The following SEMA4C variants were observed in gnomAD, a reference collection of about 807,000 sequenced individuals.
SEMA4C encodes semaphorin-4C.
SEMA4C carries 19 observed loss-of-function variants against 89.0 expected under a neutral mutation model. The ratio of observed to expected loss-of-function variants is 0.21; its 90% CI spans 0.15 to 0.31. The LOEUF (loss-of-function observed/expected upper bound fraction) is 0.31. Among genes scored for constraint, SEMA4C ranks in the 10% least tolerant of loss-of-function variants. SEMA4C has a pLI of 1.00. For missense variants in SEMA4C, 811 were observed against 1,107.0 expected (o/e 0.73, Z 3.79); for synonymous variants, 428 against 472.7 (o/e 0.91, Z 1.23).
chr2:96,861,903 A>G lies in SEMA4C; in HGVS notation c.1444-9T>C, dbSNP rs759841848. 2 of 1,603,026 alleles carry G rather than the reference A, an allele frequency of 1.2e-6. No individual in the cohort carries two copies. The highest frequency in any genetic ancestry group is 1.7e-6 in the Non-Finnish European group (2 of 1,175,420). On this transcript the variant is annotated splice_polypyrimidine_tract_variant and intron_variant, in intron 12 of 14. Coordinates refer to ENST00000305476, the MANE Select transcript of SEMA4C (RefSeq NM_017789.5). The surrounding 1 kb of genome is among the most constrained non-coding windows in gnomAD (Gnocchi z 7.8). ...CCGGCAAAGAGCAGCTTCTGCGAGA[A>G]AAGCGGGGCGCAGGAGGGGGGTCGG...
chr2:96,866,590 C>T (rs1316725357), intron 2 of SEMA4C, 159 bp from the exon 3 acceptor site: 17 of 1,022,084 alleles, frequency 1.7e-5, no homozygotes, highest in Non-Finnish European at 2.5e-5. Context: ...TTGGCCCTGA[C>T]AGCCCCACCT....
chr2:96,865,553 G>C lies in SEMA4C; in HGVS notation c.421-16C>G, dbSNP rs1276612966. On this transcript the variant is annotated splice_polypyrimidine_tract_variant and intron_variant, in intron 5 of 14. Transcript: ENST00000305476. ...TGAGCATGTTCTAAGGACAGAGAGAGAGGTGATGAGGAGATGCTTAAGGGC... is the reference window on the plus strand; with the variant it reads ...TGAGCATGTTCTAAGGACAGAGAGACAGGTGATGAGGAGATGCTTAAGGGC... 1 of 1,612,270 alleles carries C rather than the reference G, an allele frequency of 6.2e-7. No individual in the cohort carries two copies. Among genetic ancestry groups the C allele is most frequent in the Non-Finnish European group, 8.5e-7 (1 of 1,178,520 alleles).
chr2:96,864,211 G>A lies in SEMA4C; in HGVS notation c.1107+27C>T. On this transcript the variant is annotated intron_variant, in intron 10 of 14. Coordinates refer to ENST00000305476, the MANE Select transcript of SEMA4C (RefSeq NM_017789.5). This position sits in a 1 kb window ranked among gnomAD's most constrained non-coding sequence, Gnocchi z 6.3. ...TGGGATGGCACCGCAGCTGGGTGGGGAGATGCATCCCTGCCCTAGCACTCA... is the reference window on the plus strand; with the variant it reads ...TGGGATGGCACCGCAGCTGGGTGGGAAGATGCATCCCTGCCCTAGCACTCA... The A allele has an allele frequency of 6.2e-7, 1 of 1,613,524 alleles. No homozygotes were observed. The highest frequency in any genetic ancestry group is 8.5e-7 in the Non-Finnish European group (1 of 1,179,954).
In SEMA4C at chr2:96,861,058, C is replaced by T; in HGVS notation, c.2070G>A (p.Leu690=). The T allele has an allele frequency of 1.2e-6, 2 of 1,612,822 alleles. No individual in the cohort carries two copies. The highest frequency in any genetic ancestry group is 1.7e-6 in the Non-Finnish European group (2 of 1,179,988). Residue 690 remains leucine (L), a synonymous_variant, in exon 15 of 15, where the codon CTG becomes CTA. Transcript: ENST00000305476. This position sits in a 1 kb window ranked among gnomAD's most constrained non-coding sequence, Gnocchi z 7.8. ...LLLVLSLRRR[L]REELEKGAKA... ...TGGCCCCTTTCTCCAGCTCTTCCCG[C>T]AGCCGCCGGCGCAATGACAGCACCA...
At chr2:96,869,600 C>A (rs1005219145) in intron 1 of SEMA4C, 17 of 985,170 alleles carry the variant, frequency 1.7e-5, no homozygotes, top group Admixed American at 1.2e-4. Context: ...GGATCCCGGC[C>A]GCGGACCGGA....
At chr2:96,868,521 C>A (rs573843220) in intron 1 of SEMA4C, 4 of 986,632 alleles carry the variant, frequency 4.1e-6, no homozygotes, top group Non-Finnish European at 4.8e-6. Flanking sequence ...ATCAGCAGGG[C>A]AGGAGTGTGA....
Position 96,865,912 on chromosome 2 carries a change from G to T in SEMA4C, c.276C>A (p.Pro92=). The T allele has an allele frequency of 1.2e-6, 2 of 1,614,026 alleles. No individual in the cohort carries two copies. The highest frequency in any genetic ancestry group is 1.7e-6 in the Non-Finnish European group (2 of 1,179,998). The change falls in exon 4 of 15, where the codon CCC becomes CCA. Residue 92 remains proline (P), a synonymous_variant. Coordinates refer to ENST00000305476, the MANE Select transcript of SEMA4C (RefSeq NM_017789.5). ...ELQGAISWEA[P]VEKKTECIQK... ...GGATACACTCAGTCTTCTTCTCCAC[G>T]GGGGCCTCCCAGGAGATCTGGGGAA...
rs200744761 is a variant in SEMA4C at position 96,861,791 on chromosome 2, T to C, written c.1547A>G (p.Tyr516Cys). The change falls in exon 13 of 15, where the codon TAT (tyrosine) becomes TGT (cysteine). Residue 516 changes from tyrosine (Y) to cysteine (C), a missense_variant. Around this residue, in one of 4 missense-constraint regions of SEMA4C, gnomAD observed 441 missense variants for 664.9 expected, o/e 0.66. Transcript: ENST00000305476. The surrounding 1 kb of genome is among the most constrained non-coding windows in gnomAD (Gnocchi z 7.8). The part of the protein sequence containing the change: ...CADCVLARDP[Y>C]CAWSVNTSRC... Reference sequence around the variant, plus strand: ...GCTGGTGTTGACGCTCCAGGCGCAATAGGGGTCCCGGGCGAGGACACAGTC... The same window carrying C: ...GCTGGTGTTGACGCTCCAGGCGCAACAGGGGTCCCGGGCGAGGACACAGTC... 4.3e-6 allele frequency: 7 copies of C among 1,613,092 alleles called. No homozygotes were observed. The highest frequency in any genetic ancestry group is 2.7e-5 in the African/African-American group (2 of 74,880).
At chr2:96,870,094 C>T, upstream of SEMA4C, 1 of 970,920 alleles carries the variant, frequency 1.0e-6, no homozygotes, top group Non-Finnish European at 1.2e-6. Flanking sequence ...GCGGCCGCGG[C>T]TCTCCGCCCC....
chr2:96,862,594 GGCTC>G (rs1467392483), intron 12 of SEMA4C: 1 of 152,100 alleles, frequency 6.6e-6, no homozygotes, highest in Non-Finnish European at 1.5e-5. Context: ...CAGGCGCAGT[GGCTC>G]ACGCCTGTAA....
chr2:96,863,540 G>C, intron 12 of SEMA4C, 142 bp downstream of exon 12: 1 of 1,253,716 alleles, frequency 8.0e-7, no homozygotes, highest in Non-Finnish European at 1.1e-6. Context: ...CCCCAAGTTA[G>C]GCAAGGTGTG....
chr2:96,869,538 C>T (rs2080160788), intron 1 of SEMA4C: 7 of 985,158 alleles, frequency 7.1e-6, no homozygotes, highest in Non-Finnish European at 7.2e-6. Flanking sequence ...AAGCCCGCCC[C>T]AAACTTTCCA....
At chr2:96,868,839 G>T in intron 1 of SEMA4C, 1 of 985,398 alleles carries the variant, frequency 1.0e-6, no homozygotes, top group Non-Finnish European at 1.2e-6. Context: ...CGACTCTGAC[G>T]AACCTTCCCA....
At chr2:96,868,966 C>T (rs1463276064) in intron 1 of SEMA4C, 2 of 985,274 alleles carry the variant, frequency 2.0e-6, no homozygotes, top group Non-Finnish European at 2.4e-6. Flanking sequence ...CTGCTCACCC[C>T]CAAACAAAGG....
In SEMA4C at chr2:96,867,667, C is replaced by T. The variant is rs1231816391; in HGVS notation, c.109+111G>A. 5 of 1,149,492 alleles carry T rather than the reference C, an allele frequency of 4.3e-6. 1 individual carries two copies. The highest frequency in any genetic ancestry group is 3.9e-5 in the South Asian group (3 of 77,366). 71.2% of individuals were successfully genotyped at this position (1,149,492 alleles called of 1,614,324 possible). A position where few individuals can be genotyped will look rare whatever the true frequency, so the allele number is the denominator to read the frequency against. On this transcript the variant is annotated intron_variant, in intron 2 of 14. Coordinates refer to ENST00000305476, the MANE Select transcript of SEMA4C (RefSeq NM_017789.5). ...ACCCACACTGCCCGTTCTTCCAACT[C>T]GAGTTTCTTAGAAAGCTGTGCCACA...
Position 96,864,313 on chromosome 2 carries a change from G to A in SEMA4C, c.1032C>T (p.Pro344=). 6.2e-7 allele frequency: 1 copy of A among 1,614,030 alleles called. No homozygotes were observed. The highest frequency in any genetic ancestry group is 8.5e-7 in the Non-Finnish European group (1 of 1,180,028). ...LEEIQRVFEG[P]YKEYHEEAQK... ...GGGCTTCCTCATGGTACTCCTTATA[G>A]GGGCCCTCAAACACCCGCTGGATCT... The change falls in exon 10 of 15, where the codon CCC becomes CCT. Residue 344 remains proline, a synonymous_variant. Transcript: ENST00000305476. This position sits in a 1 kb window ranked among gnomAD's most constrained non-coding sequence, Gnocchi z 6.3.
At position 96,861,922 on chromosome 2, in the gene SEMA4C, G is replaced by A; in HGVS notation, c.1444-28C>T. 1 of 1,579,218 alleles carries A rather than the reference G, an allele frequency of 6.3e-7. No homozygotes were observed. Among genetic ancestry groups the A allele is most frequent in the Non-Finnish European group, 8.6e-7 (1 of 1,163,980 alleles). ...GCGAGAAAAGCGGGGCGCAGGAGGG[G>A]GGTCGGCCAGGGCCACACCACGGGA... On this transcript the variant is annotated intron_variant, in intron 12 of 14. Transcript: ENST00000305476. The surrounding 1 kb of genome is among the most constrained non-coding windows in gnomAD (Gnocchi z 7.8).
chr2:96,861,229 C>T lies in SEMA4C; in HGVS notation c.1899G>A (p.Gly633=), dbSNP rs1236572450. The part of the protein sequence containing the change: ...GAYHCFSEEQ[G]ARLAAEGYLV... ...GGTAGCCTTCAGCAGCCAGCCGCGCCCCCTGCTCCTCTGAAAAGCAGTGGT... is the reference window on the plus strand; with the variant it reads ...GGTAGCCTTCAGCAGCCAGCCGCGCTCCCTGCTCCTCTGAAAAGCAGTGGT... Residue 633 remains glycine, a synonymous_variant, in exon 15 of 15, where the codon GGG becomes GGA. Coordinates refer to ENST00000305476, the MANE Select transcript of SEMA4C (RefSeq NM_017789.5). The surrounding 1 kb of genome is among the most constrained non-coding windows in gnomAD (Gnocchi z 7.8). The T allele has an allele frequency of 6.2e-7, 1 of 1,610,528 alleles. No homozygotes were observed.
At chr2:96,867,627 T>C in intron 2 of SEMA4C, 151 bp downstream of exon 2, 1 of 813,308 alleles carries the variant, frequency 1.2e-6, no homozygotes, top group Non-Finnish European at 2.0e-6. Flanking sequence ...CAGAGGAGGC[T>C]AATCCCAGGT....
Sources: allele counts gnomAD v4.1 joint callset, GRCh38; gene constraint gnomAD v4.1.1; regional missense constraint gnomAD v4.1.1; non-coding constraint Gnocchi (gnomAD v3.1); transcripts MANE v1.5; gene names NCBI Gene and HGNC (gene_info 2026-07-23, HGNC 2026-07-21).